Variants in PUDP observed in about 807,000 individuals in gnomAD.
The protein encoded by PUDP is pseudouridine-5'-phosphatase.
A neutral mutation model predicts 9.4 loss-of-function variants in PUDP; 8 were observed. The ratio of observed to expected loss-of-function variants is 0.85; its 90% CI spans 0.50 to 1.53. The LOEUF is 1.53. Among genes scored for constraint, PUDP ranks in the 40% most tolerant of loss-of-function variants. The pLI is 0.00. For synonymous variants in PUDP, 99 were observed against 80.7 expected, an observed-to-expected ratio of 1.23 and a Z score of -1.22; for missense variants, 188 against 189.7, an observed-to-expected ratio of 0.99 and a Z score of 0.05.
At chrX:6,834,632 G>C (rs775885187) in intron 3 of PUDP, among the ~76,000 whole-genome samples, 8 of 111,797 alleles carry the variant, frequency 7.2e-5, no homozygotes, top group Non-Finnish European at 1.5e-4. Flanking sequence ...AGATAGGAAA[G>C]TGTTTTTGTG....
intron 3 of PUDP, among the ~76,000 whole-genome samples, chrX:6,871,389 T>C (rs1177387078): frequency 8.9e-6 from 1 of 111,926 alleles, no homozygotes; most frequent in African/African-American, 3.2e-5. Flanking sequence ...TGGGAATCTA[T>C]TAAAAAATCA....
At chrX:6,906,399 A>T (rs1927767406) in intron 3 of PUDP, among the ~76,000 whole-genome samples, 1 of 112,457 alleles carries the variant, frequency 8.9e-6, no homozygotes, top group Non-Finnish European at 1.9e-5. Context: ...AGAAATGATT[A>T]TGTATTCTCT....
At chrX:6,829,744 C>T (rs1423744791) in intron 3 of PUDP, among the ~76,000 whole-genome samples, 1 of 111,338 alleles carries the variant, frequency 9.0e-6, no homozygotes, top group African/African-American at 3.3e-5. Context: ...CTTTTTAAGA[C>T]AGAATATTGA....
chrX:6,746,103 C>T (rs1338821353), intron 3 of PUDP, among the ~76,000 whole-genome samples: 5 of 112,276 alleles, frequency 4.5e-5, no homozygotes, highest in Non-Finnish European at 9.4e-5. Flanking sequence ...AGTGCTCTAT[C>T]TTATAGGCTG....
intron 1 of PUDP, among the ~76,000 whole-genome samples, chrX:6,997,244 G>C (rs895823762): frequency 8.9e-6 from 1 of 111,929 alleles, no homozygotes; most frequent in African/African-American, 3.2e-5. Flanking sequence ...AATAATCATA[G>C]TCCTTCAGAA....
At chrX:7,138,059 C>A (rs1932766804) in intron 1 of PUDP, among the ~76,000 whole-genome samples, 1 of 112,107 alleles carries the variant, frequency 8.9e-6, no homozygotes, top group Non-Finnish European at 1.9e-5. Flanking sequence ...GACGAAGGGG[C>A]ACAGCATTAT....
At chrX:6,956,560 C>T (rs111877550) in intron 3 of PUDP, among the ~76,000 whole-genome samples, 1,426 of 111,515 alleles carry the variant, frequency 0.013, 16 homozygotes, top group African/African-American at 0.041. Context: ...ACTATCTGGG[C>T]TGGAGGTGGT....
intron 1 of PUDP, among the ~76,000 whole-genome samples, chrX:7,034,883 A>C (rs1487658890): frequency 2.7e-5 from 3 of 112,112 alleles, no homozygotes; most frequent in African/African-American, 9.7e-5. Context: ...TTTCATAAAC[A>C]TCAGCAGGTC....
At chrX:7,041,863 CTCTCT>C (rs1472151480) in intron 1 of PUDP, among the ~76,000 whole-genome samples, 2 of 47,415 alleles carry the variant, frequency 4.2e-5, no homozygotes, top group African/African-American at 2.6e-4. Flanking sequence ...GTCTCTCTCT[CTCTCT>C]TTTTTTTTTT....
At chrX:7,111,697 C>T (rs1237444010) in intron 1 of PUDP, among the ~76,000 whole-genome samples, 1 of 111,691 alleles carries the variant, frequency 9.0e-6, no homozygotes, top group Non-Finnish European at 1.9e-5. Context: ...GTCTTATAAG[C>T]CTGCTGGACC....
intron 3 of PUDP, among the ~76,000 whole-genome samples, chrX:6,751,997 C>T (rs1569092350): frequency 9.0e-6 from 1 of 111,068 alleles, no homozygotes; most frequent in Non-Finnish European, 1.9e-5. Flanking sequence ...TATGTTTCAT[C>T]TCATCATTTC....
intron 3 of PUDP, among the ~76,000 whole-genome samples, chrX:6,777,998 C>T (rs1201729655): frequency 3.6e-5 from 4 of 111,595 alleles, no homozygotes; most frequent in East Asian, 2.8e-4. Flanking sequence ...AGATACCTGT[C>T]CCCCCGCCAC....
intron 3 of PUDP, among the ~76,000 whole-genome samples, chrX:6,759,942 T>C (rs1336875577): frequency 8.9e-6 from 1 of 112,015 alleles, no homozygotes; most frequent in Non-Finnish European, 1.9e-5. Flanking sequence ...TAGCTGTCAA[T>C]TCAGAGGGAA....
intron 3 of PUDP, among the ~76,000 whole-genome samples, chrX:6,796,871 C>T (rs1453367610): frequency 9.0e-6 from 1 of 111,395 alleles, no homozygotes; most frequent in Non-Finnish European, 1.9e-5. Flanking sequence ...TGAGATGGGG[C>T]CTGAAAATAA....
chrX:6,758,303 A>AT (rs1412194528), intron 3 of PUDP, among the ~76,000 whole-genome samples: 1 of 109,934 alleles, frequency 9.1e-6, no homozygotes, highest in Non-Finnish European at 1.9e-5. Context: ...CTCTACAAAA[A>AT]TTTTTTTTAA....
chrX:7,042,742 T>C (rs1437304914), intron 1 of PUDP, among the ~76,000 whole-genome samples: 1 of 111,671 alleles, frequency 9.0e-6, no homozygotes, highest in African/African-American at 3.3e-5. Context: ...GGACTTCTAC[T>C]GCTTCCTGAT....
At chrX:6,958,590 G>A (rs1928661833) in intron 3 of PUDP, among the ~76,000 whole-genome samples, 1 of 110,525 alleles carries the variant, frequency 9.0e-6, no homozygotes, top group Non-Finnish European at 1.9e-5. Flanking sequence ...AAATTAGCCA[G>A]GCATGGTGGT....
At chrX:6,879,610 G>A (rs1019107664) in intron 3 of PUDP, among the ~76,000 whole-genome samples, 6 of 111,859 alleles carry the variant, frequency 5.4e-5, no homozygotes, top group Non-Finnish European at 1.1e-4. Context: ...GGTTCACTGT[G>A]CACTGATGAC....
chrX:6,771,886 A>C (rs1036686314), intron 3 of PUDP, among the ~76,000 whole-genome samples: 4 of 112,320 alleles, frequency 3.6e-5, no homozygotes, highest in Non-Finnish European at 5.6e-5. Flanking sequence ...ATAAAACTTT[A>C]TTTATAAAAC....
Sources: gnomAD v4.1 joint callset for allele counts (sites outside exome capture counted in the v4.1 genomes callset) on GRCh38, gnomAD v4.1.1 for gene constraint, MANE v1.5 for transcripts, NCBI Gene and HGNC (gene_info 2026-07-23, HGNC 2026-07-21) for gene names.